Variants in MN1 observed in about 807,000 individuals in gnomAD.
MN1 encodes the protein transcriptional activator MN1.
MN1 carries 19 observed loss-of-function variants against 86.9 expected under a neutral mutation model. The ratio of observed to expected loss-of-function variants is 0.22; its 90% CI spans 0.15 to 0.32. MN1 has a LOEUF of 0.32. MN1 is among the 10% of genes least tolerant of loss of function. The pLI, the probability that MN1 is intolerant of heterozygous loss-of-function variation, is 1.00. For synonymous variants in MN1, 928 were observed against 849.6 expected (o/e 1.09, Z -1.60); for missense variants, 1,841 against 1,862.0 (o/e 0.99, Z 0.21).
chr22:27,792,317 CATATATATATATATATATATAT>C (rs36207111), intron 1 of MN1, among the ~76,000 whole-genome samples: 2 of 114,046 alleles, frequency 1.8e-5, no homozygotes, highest in Non-Finnish European at 3.8e-5. Flanking sequence ...ATAAAAATTG[CATATATATATATATATATATAT>C]ATATATATAT....
In MN1 at chr22:27,750,699, T is replaced by G. The variant is rs1932755646; in HGVS notation, c.*216A>C. 2 of 416,864 alleles carry G rather than the reference T, an allele frequency of 4.8e-6. No individual in the cohort carries two copies. The highest frequency in any genetic ancestry group is 8.4e-6 in the Non-Finnish European group (2 of 236,822). 25.8% of individuals were successfully genotyped at this position (416,864 alleles called of 1,614,324 possible). On this transcript the variant is annotated 3_prime_UTR_variant, in exon 2 of 2. Coordinates refer to ENST00000302326, the MANE Select transcript of MN1 (RefSeq NM_002430.3). Reference sequence around the variant, plus strand: ...AACATACTGTGGCAGACAAGTTTCTTTTTTAAAAAAACTTTTGAGGTTCCC... The same window carrying G: ...AACATACTGTGGCAGACAAGTTTCTGTTTTAAAAAAACTTTTGAGGTTCCC...
chr22:27,767,720 CCAA>C (rs567481959), intron 1 of MN1, among the ~76,000 whole-genome samples: 184 of 152,150 alleles, frequency 1.2e-3, no homozygotes, highest in African/African-American at 4.2e-3. Context: ...CTCCACCGCT[CCAA>C]CAACATCTCT....
At chr22:27,756,527 G>T (rs1932803231) in intron 1 of MN1, among the ~76,000 whole-genome samples, 1 of 152,148 alleles carries the variant, frequency 6.6e-6, no homozygotes, top group African/African-American at 2.4e-5. Context: ...AAAGCCAGGG[G>T]TATTCGGGAA....
At position 27,800,416 on chromosome 22, in the gene MN1, C is replaced by A. The variant is rs1304236061; in HGVS notation, c.128G>T (p.Gly43Val). 1.9e-6 allele frequency: 3 copies of A among 1,614,134 alleles called. No homozygotes were observed. Among genetic ancestry groups the A allele is most frequent in the Admixed American group, 1.7e-5 (1 of 60,028 alleles). The change falls in exon 1 of 2, where the codon GGG becomes GTG. Residue 43 changes from glycine to valine, a missense_variant. Coordinates refer to ENST00000302326, the MANE Select transcript of MN1 (RefSeq NM_002430.3). ...AGCAGGATCCACAGGGCCAGGGGGC[C>A]CCCCAGTGTGGAAAGCCGGGGCCTT... The part of the protein sequence containing the change: ...HFKAPAFHTG[G>V]PPGPVDPAMS...
chr22:27,783,823 C>G (rs1450738048), intron 1 of MN1, among the ~76,000 whole-genome samples: 1 of 152,252 alleles, frequency 6.6e-6, no homozygotes, highest in African/African-American at 2.4e-5. Flanking sequence ...CTATCACTGT[C>G]AAGTCTGGAC....
intron 1 of MN1, among the ~76,000 whole-genome samples, chr22:27,786,271 A>G (rs1006282008): frequency 3.9e-5 from 6 of 152,234 alleles, no homozygotes; most frequent in Non-Finnish European, 5.9e-5. Flanking sequence ...AAGTGCTCGC[A>G]CCATCAAAAT....
Position 27,800,713 on chromosome 22 carries a change from G to T in MN1, c.-170C>A. On this transcript the variant is annotated 5_prime_UTR_variant, in exon 1 of 2. Coordinates refer to ENST00000302326, the MANE Select transcript of MN1 (RefSeq NM_002430.3). ...CCTGATGTGAGGGACGGGGGGCGGG[G>T]TATTAGCTCCTCTCCTGAAGCTCCG... is the stretch of plus-strand genomic sequence containing the variant. The T allele has an allele frequency of 1.4e-6, 1 of 739,368 alleles. No individual in the cohort carries two copies. The highest frequency in any genetic ancestry group is 2.2e-6 in the Non-Finnish European group (1 of 457,806). 45.8% of individuals were successfully genotyped at this position (739,368 alleles called of 1,614,324 possible).
At chr22:27,757,652 C>T (rs1451725232) in intron 1 of MN1, among the ~76,000 whole-genome samples, 2 of 152,132 alleles carry the variant, frequency 1.3e-5, no homozygotes, top group Non-Finnish European at 2.9e-5. Context: ...ACATTGGGTT[C>T]TGTGACAGCT....
chr22:27,794,340 C>A (rs1463936185), intron 1 of MN1, among the ~76,000 whole-genome samples: 1 of 152,202 alleles, frequency 6.6e-6, no homozygotes, highest in Non-Finnish European at 1.5e-5. Flanking sequence ...AACCCCAAGG[C>A]TACAGAAGCT....
chr22:27,793,272 T>A (rs1278214876), intron 1 of MN1, among the ~76,000 whole-genome samples: 6 of 152,120 alleles, frequency 3.9e-5, no homozygotes, highest in African/African-American at 1.5e-4. Flanking sequence ...ATATGCATTA[T>A]CTATAATCTA....
In MN1 at chr22:27,797,131, G is replaced by C; in HGVS notation, c.3413C>G (p.Pro1138Arg). ...GTPGLEQVRT[P>R]TSSSGAPPPD... ...TGGCGGGGCGCCGCTGCTGCTCGTC[G>C]GGGTGCGGACCTGCTCCAGGCCCGG... is the stretch of plus-strand genomic sequence containing the variant. Residue 1138 changes from proline (P) to arginine (R), a missense_variant, in exon 1 of 2, where the codon CCG (proline) becomes CGG (arginine). Physicochemically the swap from Pro to Arg is moderately radical, Grantham distance 103. Coordinates refer to ENST00000302326, the MANE Select transcript of MN1 (RefSeq NM_002430.3). 3 of 1,579,694 alleles carry C rather than the reference G, an allele frequency of 1.9e-6. No homozygotes were observed. The highest frequency in any genetic ancestry group is 1.1e-5 in the South Asian group (1 of 87,292).
At chr22:27,768,929 C>T (rs1008052191) in intron 1 of MN1, among the ~76,000 whole-genome samples, 1 of 152,154 alleles carries the variant, frequency 6.6e-6, no homozygotes, top group Non-Finnish European at 1.5e-5. Flanking sequence ...GAGGACATTT[C>T]CATCATTCCA....
In MN1 at chr22:27,751,050, G is replaced by A. The variant is rs1601319605; in HGVS notation, c.3828C>T (p.Ser1276=). ...ANKASASQPG[S]HLQCLSVHCT... The stretch of plus-strand genomic sequence containing the variant: ...AGTGGACAGACAGGCACTGCAAGTG[G>A]CTGCCAGGCTGGGATGCTGAGGCCT... The change falls in exon 2 of 2, where the codon AGC becomes AGT. Residue 1276 remains serine, a synonymous_variant. Coordinates refer to ENST00000302326, the MANE Select transcript of MN1 (RefSeq NM_002430.3). The A allele has an allele frequency of 6.3e-7, 1 of 1,598,902 alleles. No homozygotes were observed. The highest frequency in any genetic ancestry group is 2.3e-5 in the East Asian group (1 of 44,248).
chr22:27,754,094 G>A (rs1932786936), intron 1 of MN1, among the ~76,000 whole-genome samples: 1 of 152,188 alleles, frequency 6.6e-6, no homozygotes, highest in African/African-American at 2.4e-5. Context: ...CCAAAGGAGA[G>A]ATAAACTCTT....
chr22:27,795,515 G>C (rs1933278894), intron 1 of MN1, among the ~76,000 whole-genome samples: 1 of 149,532 alleles, frequency 6.7e-6, no homozygotes, highest in African/African-American at 2.5e-5. Flanking sequence ...GAATTGCACT[G>C]GGGGGGGACA....
intron 1 of MN1, among the ~76,000 whole-genome samples, chr22:27,788,981 G>T (rs1462083123): frequency 1.3e-5 from 2 of 152,066 alleles, no homozygotes; most frequent in Admixed American, 1.3e-4. Flanking sequence ...ATTCTTCTCA[G>T]CACTGAGAAG....
Position 27,798,393 on chromosome 22 carries a change from C to G in MN1, c.2151G>C (p.Ala717=), listed in dbSNP as rs764726322. 2 of 1,509,390 alleles carry G rather than the reference C, an allele frequency of 1.3e-6. No individual in the cohort carries two copies. The highest frequency in any genetic ancestry group is 1.8e-6 in the Non-Finnish European group (2 of 1,137,972). The allele number at this position is 1,509,390 out of a possible 1,614,324, so 93.5% of individuals were successfully genotyped here. ...AAGCAGCGCTGGGGAGCCCCACGCC[C>G]GCCCCGGGCGACTGCAGCTGACCCA... ...GGLGQLQSPG[A]GVGLPSAASE... is the part of the protein sequence containing the mutation. Residue 717 remains alanine (A), a synonymous_variant, in exon 1 of 2, where the codon GCG becomes GCC. Transcript: ENST00000302326.
At chr22:27,792,735 G>A (rs1038684311) in intron 1 of MN1, among the ~76,000 whole-genome samples, 2 of 152,082 alleles carry the variant, frequency 1.3e-5, no homozygotes, top group African/African-American at 4.8e-5. Flanking sequence ...TCTTCCGGAG[G>A]CGCAAAAGTC....
At position 27,783,962 on chromosome 22, in the gene MN1, G is replaced by A. The variant is rs377287071; in HGVS notation, c.3781+12801C>T. 1.8e-3 allele frequency among the ~76,000 whole-genome samples: 273 copies of A among 152,308 alleles called. 1 individual carries two copies. Among genetic ancestry groups the A allele is most frequent in the Middle Eastern group, 0.01 (3 of 294 alleles). Reference sequence around the variant, plus strand: ...CTCAAAGACTTTCCACGATGATGCCGCCGCAGGCTCCTGCTGGTCTGCCTG... The same window carrying A: ...CTCAAAGACTTTCCACGATGATGCCACCGCAGGCTCCTGCTGGTCTGCCTG... On this transcript the variant is annotated intron_variant, in intron 1 of 1. Transcript: ENST00000302326.
Sources: allele counts gnomAD v4.1 joint callset (sites outside exome capture counted in the v4.1 genomes callset), GRCh38; gene constraint gnomAD v4.1.1; transcripts MANE v1.5; gene names NCBI Gene and HGNC (gene_info 2026-07-23, HGNC 2026-07-21).